CCNH: variants seen among roughly 807,000 people sequenced by gnomAD.
The protein encoded by CCNH is cyclin H.
CCNH carries 31 observed loss-of-function variants against 41.9 expected under a neutral mutation model. The observed-to-expected ratio is 0.74, with a 90% CI of 0.56 to 1.00. The LOEUF (loss-of-function observed/expected upper bound fraction) is 1.00. Ranked by LOEUF, CCNH falls within the 50% of genes least tolerant of loss-of-function variation. The pLI, the probability that CCNH is intolerant of heterozygous loss-of-function variation, is 0.00. For missense variants in CCNH, 362 were observed against 388.4 expected (o/e 0.93, Z 0.57); for synonymous variants, 138 against 136.1 (o/e 1.01, Z -0.10).
Position 87,331,130 on chromosome 5 carries a change from G to C in CCNH, c.*91-12233C>G, listed in dbSNP as rs1046851833. On this transcript the variant is annotated intron_variant and NMD_transcript_variant, in intron 9 of 9. Transcript: ENST00000645953. ...AAGAGATTTATATATGAGATGACTA[G>C]GACTGAGCTTTTAGAACAAATTAAA... 3 of 858,382 alleles carry C rather than the reference G, an allele frequency of 3.5e-6. No individual in the cohort carries two copies. In the Admixed American group the frequency reaches 7.0e-5, roughly 20 times the overall value. The allele number at this position is 858,382 out of a possible 1,614,324, so 53.2% of individuals were successfully genotyped here.
chr5:87,366,877 A>C (rs1209289502), intron 9 of CCNH, among the ~76,000 whole-genome samples: 3 of 152,062 alleles, frequency 2.0e-5, no homozygotes, highest in Non-Finnish European at 4.4e-5. Flanking sequence ...TTAAAAAATT[A>C]AAAAATTAGC....
At chr5:87,353,481 T>G (rs1759430439) in intron 9 of CCNH, among the ~76,000 whole-genome samples, 1 of 151,938 alleles carries the variant, frequency 6.6e-6, no homozygotes, top group Admixed American at 6.6e-5. Context: ...TAAGTTGCAG[T>G]AGGTCCAGGA....
intron 9 of CCNH, among the ~76,000 whole-genome samples, chr5:87,362,070 G>A (rs1172501414): frequency 2.0e-5 from 3 of 152,142 alleles, no homozygotes; most frequent in Non-Finnish European, 4.4e-5. Flanking sequence ...GGTATTTGAA[G>A]TGTGTATGTT....
At chr5:87,409,038 T>C (rs1235194248) in intron 3 of CCNH, 4 of 274,412 alleles carry the variant, frequency 1.5e-5, no homozygotes, top group African/African-American at 2.2e-5. Flanking sequence ...GAGAAGTAGC[T>C]AATTTGAGAA....
chr5:87,331,678 T>G (rs1757610292), intron 9 of CCNH, among the ~76,000 whole-genome samples: 1 of 152,220 alleles, frequency 6.6e-6, no homozygotes, highest in Non-Finnish European at 1.5e-5. Flanking sequence ...GTTTACATTT[T>G]TTGTTTAAAA....
At chr5:87,382,037 C>T (rs931703891), upstream of CCNH, among the ~76,000 whole-genome samples, 3 of 152,098 alleles carry the variant, frequency 2.0e-5, no homozygotes, top group South Asian at 2.1e-4. Context: ...CTGCAACCCC[C>T]GCCTCCCAGG....
intron 9 of CCNH, among the ~76,000 whole-genome samples, chr5:87,335,404 A>G (rs1757890541): frequency 6.7e-6 from 1 of 149,420 alleles, no homozygotes. Context: ...ATAGGTGAAG[A>G]TAATAAAGAA....
chr5:87,394,927 T>C (rs1762802288), intron 8 of CCNH, 117 bp downstream of exon 8: 1 of 1,547,360 alleles, frequency 6.5e-7, no homozygotes, highest in South Asian at 1.2e-5. Context: ...ATGCAAAAAA[T>C]GAAAAAACCC....
At chr5:87,383,679 A>T (rs1761880442) in intron 9 of CCNH, 4 of 192,726 alleles carry the variant, frequency 2.1e-5, no homozygotes, top group Non-Finnish European at 9.3e-6. Flanking sequence ...GGTGTTTTCT[A>T]AAAAAAAAAA....
chr5:87,356,108 A>G (rs1256875809), intron 9 of CCNH, among the ~76,000 whole-genome samples: 1 of 152,198 alleles, frequency 6.6e-6, no homozygotes, highest in African/African-American at 2.4e-5. Context: ...TATTCTATAA[A>G]CTTAACTTGA....
At chr5:87,383,851 T>A in intron 9 of CCNH, 16 of 1,212,072 alleles carry the variant, frequency 1.3e-5, no homozygotes, top group Non-Finnish European at 1.8e-5. Context: ...TTAAGAATAC[T>A]CTTAAATCTT....
intron 9 of CCNH, chr5:87,331,511 A>G: frequency 6.2e-7 from 1 of 1,613,040 alleles, no homozygotes; most frequent in Non-Finnish European, 8.5e-7. Context: ...GTAAGTCTTT[A>G]TTCCTATTAT....
chr5:87,370,007 T>A, intron 9 of CCNH: 6 of 927,436 alleles, frequency 6.5e-6, no homozygotes, highest in Middle Eastern at 2.2e-4. Context: ...ACAGAACGCC[T>A]GAAATCTAAT....
At chr5:87,375,312 G>T (rs773251401), downstream of CCNH, among the ~76,000 whole-genome samples, 5 of 151,810 alleles carry the variant, frequency 3.3e-5, no homozygotes, top group Non-Finnish European at 5.9e-5. Context: ...TCAGGCTGCA[G>T]TGCAGTGGTG....
intron 5 of CCNH, among the ~76,000 whole-genome samples, chr5:87,402,344 A>G (rs1763480123): frequency 6.6e-6 from 1 of 152,212 alleles, no homozygotes; most frequent in Non-Finnish European, 1.5e-5. Flanking sequence ...TGTTAAACTT[A>G]CTTATCAATG....
downstream of CCNH, among the ~76,000 whole-genome samples, chr5:87,314,753 T>G (rs1756193402): frequency 6.6e-6 from 1 of 150,446 alleles, no homozygotes; most frequent in Non-Finnish European, 1.5e-5. Context: ...AAAAAAAAAG[T>G]GTTGAGTTTT....
intron 9 of CCNH, among the ~76,000 whole-genome samples, chr5:87,361,140 T>C (rs1459001947): frequency 6.6e-6 from 1 of 152,202 alleles, no homozygotes; most frequent in Non-Finnish European, 1.5e-5. Context: ...TCATTTAGTG[T>C]GTCCACTAAA....
At chr5:87,338,551 A>G (rs1368628416) in intron 9 of CCNH, among the ~76,000 whole-genome samples, 2 of 78,378 alleles carry the variant, frequency 2.6e-5, no homozygotes, top group Non-Finnish European at 5.3e-5. Context: ...TTTTTTTTTT[A>G]AGTAGAAATG....
chr5:87,409,652 G>GTC (rs2112581510), intron 2 of CCNH, among the ~76,000 whole-genome samples: 1 of 149,820 alleles, frequency 6.7e-6, no homozygotes, highest in South Asian at 2.1e-4. Flanking sequence ...GTGTGTGTGT[G>GTC]TGTGTGTGTG....
Sources: allele counts gnomAD v4.1 joint callset (sites outside exome capture counted in the v4.1 genomes callset), GRCh38; gene constraint gnomAD v4.1.1; transcripts MANE v1.5; gene names NCBI Gene and HGNC (gene_info 2026-07-23, HGNC 2026-07-21).